Variants in PIP5K1C observed in about 807,000 individuals in gnomAD.
PIP5K1C encodes the protein phosphatidylinositol-4-phosphate 5-kinase type 1 gamma, also known as phosphatidylinositol 4-phosphate 5-kinase type-1 gamma.
PIP5K1C carries 45 observed loss-of-function variants against 80.1 expected under a neutral mutation model. That is an observed-to-expected ratio of 0.56 (90% CI 0.44 to 0.72). PIP5K1C has a LOEUF of 0.72. Among genes scored for constraint, PIP5K1C ranks in the 30% least tolerant of loss-of-function variants. The pLI is 0.00. For missense variants in PIP5K1C, 753 were observed against 954.6 expected, an observed-to-expected ratio of 0.79 and a Z score of 2.78; for synonymous variants, 498 against 420.1, an observed-to-expected ratio of 1.19 and a Z score of -2.27.
At position 3,643,383 on chromosome 19, in the gene PIP5K1C, T is replaced by C; in HGVS notation, c.1511-2A>G. On this transcript the variant is annotated splice_acceptor_variant, in intron 12 of 17. Transcript: ENST00000335312. LOFTEE classifies it high-confidence loss of function. The stretch of plus-strand genomic sequence containing the variant: ...TGCAGGGCAGGAGGTCGGGCCGGCC[T>C]GAGGGGAGAGGACTGTGGGCACCTT... 6.2e-7 allele frequency: 1 copy of C among 1,613,232 alleles called. No homozygotes were observed. The highest frequency in any genetic ancestry group is 8.5e-7 in the Non-Finnish European group (1 of 1,179,858).
intron 2 of PIP5K1C, among the ~76,000 whole-genome samples, chr19:3,665,960 G>A (rs1051068373): frequency 6.6e-6 from 1 of 152,042 alleles, no homozygotes; most frequent in African/African-American, 2.4e-5. Context: ...CCTGACCCCT[G>A]CCCCTGCCCT....
chr19:3,697,187 G>C (rs2036143713), intron 1 of PIP5K1C, among the ~76,000 whole-genome samples: 2 of 142,606 alleles, frequency 1.4e-5, no homozygotes, highest in Admixed American at 1.4e-4. Context: ...AGCTGGACTG[G>C]GGAGGACTGA....
At chr19:3,697,052 G>C (rs895373907) in intron 1 of PIP5K1C, among the ~76,000 whole-genome samples, 2 of 151,946 alleles carry the variant, frequency 1.3e-5, no homozygotes, top group African/African-American at 4.8e-5. Context: ...GACTGAGCTG[G>C]ACCGGGGAGG....
rs1448283783 is a variant in PIP5K1C at position 3,677,732 on chromosome 19, GAAGGATGGT to G, written c.95-10388_95-10380del. ...GGAGGGATGGTGGGATGGAGGGATG[GAAGGATGGT>G]GGGATGGAGGGAGGGATGGAGGATG... On this transcript the variant is annotated intron_variant, in intron 1 of 17. Coordinates refer to ENST00000335312, the MANE Select transcript of PIP5K1C (RefSeq NM_012398.3). 6.0e-4 allele frequency among the ~76,000 whole-genome samples: 67 copies of G among 112,290 alleles called. 1 individual carries two copies. Among genetic ancestry groups the G allele is most frequent in the African/African-American group, 8.7e-4 (23 of 26,572 alleles). The allele number at this position is 112,290 out of a possible 152,430, so 73.7% of individuals were successfully genotyped here. A position where few individuals can be genotyped will look rare whatever the true frequency, so the allele number is the denominator to read the frequency against.
Position 3,688,408 on chromosome 19 carries a change from T to C in PIP5K1C, c.94+11889A>G, listed in dbSNP as rs575010609. Among the ~76,000 whole-genome samples the C allele has an allele frequency of 2.5e-4, 38 of 152,158 alleles. No homozygotes were observed. Among genetic ancestry groups the C allele is most frequent in the African/African-American group, 8.9e-4 (37 of 41,530 alleles). Reference sequence around the variant, plus strand: ...GGGGACGGCCTCTGGCCCCCTGCTGTGGGCGGGGAGGGATCTAGAAGACCG... The same window carrying C: ...GGGGACGGCCTCTGGCCCCCTGCTGCGGGCGGGGAGGGATCTAGAAGACCG... On this transcript the variant is annotated intron_variant, in intron 1 of 17. Transcript: ENST00000335312. This position sits in a 1 kb window ranked among gnomAD's most constrained non-coding sequence, Gnocchi z 5.3.
chr19:3,648,726 G>T lies in PIP5K1C; in HGVS notation c.1128-18C>A. On this transcript the variant is annotated intron_variant, in intron 8 of 17. Coordinates refer to ENST00000335312, the MANE Select transcript of PIP5K1C (RefSeq NM_012398.3). The surrounding 1 kb of genome is among the most constrained non-coding windows in gnomAD (Gnocchi z 4.3). ...CGCCCATCCTGGGGAGAGAGGCCGAGGGTACCATCAGCATCCCGCAGAGCT... is the reference window on the plus strand; with the variant it reads ...CGCCCATCCTGGGGAGAGAGGCCGATGGTACCATCAGCATCCCGCAGAGCT... 6.2e-7 allele frequency: 1 copy of T among 1,609,378 alleles called. No homozygotes were observed. Among genetic ancestry groups the T allele is most frequent in the Non-Finnish European group, 8.5e-7 (1 of 1,176,686 alleles).
At chr19:3,649,038 G>T (rs1568322859) in intron 8 of PIP5K1C, among the ~76,000 whole-genome samples, 2 of 151,776 alleles carry the variant, frequency 1.3e-5, no homozygotes, top group African/African-American at 2.4e-5. Context: ...GGTACAGACT[G>T]GGGAGTTAAT....
chr19:3,649,088 C>T (rs1938739853), intron 8 of PIP5K1C, among the ~76,000 whole-genome samples: 2 of 145,736 alleles, frequency 1.4e-5, no homozygotes, highest in Non-Finnish European at 1.5e-5. Context: ...CTGCCCAGCG[C>T]GGGAGTTAAC....
chr19:3,637,931 G>A lies in PIP5K1C; in HGVS notation c.1920+953C>T. 1 of 1,535,244 alleles carries A rather than the reference G, an allele frequency of 6.5e-7. No individual in the cohort carries two copies. Among genetic ancestry groups the A allele is most frequent in the Non-Finnish European group, 8.7e-7 (1 of 1,146,708 alleles). ...GGAAAAGGGGTGACGACGTGCGGTGGGTAGGGGCACAGGCACGCGGCCCGT... is the reference window on the plus strand; with the variant it reads ...GGAAAAGGGGTGACGACGTGCGGTGAGTAGGGGCACAGGCACGCGGCCCGT... On this transcript the variant is annotated intron_variant, in intron 16 of 17. Transcript: ENST00000335312. This position sits in a 1 kb window ranked among gnomAD's most constrained non-coding sequence, Gnocchi z 7.0.
chr19:3,653,412 C>A lies in PIP5K1C; in HGVS notation c.799G>T (p.Glu267Ter). 1 of 1,613,366 alleles carries A rather than the reference C, an allele frequency of 6.2e-7. No homozygotes were observed. Among genetic ancestry groups the A allele is most frequent in the Non-Finnish European group, 8.5e-7 (1 of 1,180,032 alleles). ...STYKRRASKK[E>*]KEKSFPTYKD... ...TAGGTGGGGAAGCTCTTCTCCTTCT[C>A]CTTCTTGCTGGCGCGCCGCTTGTAG... The change falls in exon 7 of 18, where the codon GAG (glutamate) becomes TAG (stop). Residue 267 changes from glutamate to a stop codon, truncating the protein, a stop_gained. Coordinates refer to ENST00000335312, the MANE Select transcript of PIP5K1C (RefSeq NM_012398.3). LOFTEE classifies it high-confidence loss of function.
At chr19:3,643,102 C>T in intron 13 of PIP5K1C, 141 bp downstream of exon 13, 1 of 1,476,516 alleles carries the variant, frequency 6.8e-7, no homozygotes, top group African/African-American at 1.4e-5. Flanking sequence ...CCCGCGCACC[C>T]ACATGCAGTG....
rs1476946388 is a variant in PIP5K1C, at chr19:3,651,905, G to A, written c.1048C>T (p.Gln350Ter). 6.2e-7 allele frequency: 1 copy of A among 1,612,704 alleles called. No homozygotes were observed. Among genetic ancestry groups the A allele is most frequent in the Non-Finnish European group, 8.5e-7 (1 of 1,179,932 alleles). Residue 350 changes from glutamine (Q) to a stop codon, truncating the protein, a stop_gained, in exon 8 of 18, where the codon CAG (glutamine) becomes TAG (stop). Coordinates refer to ENST00000335312, the MANE Select transcript of PIP5K1C (RefSeq NM_012398.3). LOFTEE classifies it high-confidence loss of function. ...ATGGCCGTGGAGTAGAGCGCCTTCT[G>A]GCCCACAGGCCGCTTCTCATCTGAG... ...STSDEKRPVGQKALYSTAMES... is the reference protein window; with the variant it reads ...STSDEKRPVG
chr19:3,661,425 G>A (rs548273444), intron 4 of PIP5K1C, among the ~76,000 whole-genome samples: 2 of 152,372 alleles, frequency 1.3e-5, no homozygotes, highest in South Asian at 2.1e-4. Flanking sequence ...GGTCATGTCC[G>A]AAAGGGAAGG....
intron 8 of PIP5K1C, chr19:3,649,970 C>T: frequency 8.9e-6 from 2 of 224,818 alleles, no homozygotes; most frequent in Non-Finnish European, 1.8e-5. Flanking sequence ...GCACGCTCTG[C>T]TCACGCCACA....
chr19:3,643,553 A>C (rs1449659712), intron 12 of PIP5K1C, among the ~76,000 whole-genome samples, 172 bp from the exon 13 acceptor site: 1 of 151,830 alleles, frequency 6.6e-6, no homozygotes, highest in Admixed American at 6.6e-5. Context: ...CCCTCACACA[A>C]AGGCTTCTGA....
intron 16 of PIP5K1C, 125 bp from the exon 17 acceptor site, chr19:3,633,645 G>A: frequency 1.7e-6 from 1 of 605,306 alleles, no homozygotes; most frequent in Non-Finnish European, 2.5e-6. Context: ...TGGAAGACGA[G>A]GGGTGGCTCA....
At chr19:3,659,150 C>T (rs756947784) in intron 5 of PIP5K1C, among the ~76,000 whole-genome samples, 3 of 152,232 alleles carry the variant, frequency 2.0e-5, no homozygotes, top group Non-Finnish European at 4.4e-5. Context: ...CCTCCGAACC[C>T]TACCTGTCCC....
chr19:3,681,578 C>T (rs1377829142), intron 1 of PIP5K1C, among the ~76,000 whole-genome samples: 7 of 152,080 alleles, frequency 4.6e-5, no homozygotes, highest in Admixed American at 2.6e-4. Context: ...AGCTGCAGCT[C>T]GTACACACAT....
chr19:3,697,119 C>T (rs1457844764), intron 1 of PIP5K1C, among the ~76,000 whole-genome samples: 1 of 131,638 alleles, frequency 7.6e-6, no homozygotes, highest in African/African-American at 3.0e-5. Context: ...GAGGACCGAG[C>T]CAGACGAAGG....
Sources: gnomAD v4.1 joint callset for allele counts (sites outside exome capture counted in the v4.1 genomes callset) on GRCh38, gnomAD v4.1.1 for gene constraint, Gnocchi (gnomAD v3.1) non-coding constraint, MANE v1.5 for transcripts, NCBI Gene and HGNC (gene_info 2026-07-23, HGNC 2026-07-21) for gene names.